The following TBC1D12 variants were observed in gnomAD, a reference collection of about 807,000 sequenced individuals.
TBC1D12 encodes TBC1 domain family, member 12.
In TBC1D12, 56 loss-of-function variants were observed where a neutral mutation model predicts 86.7. The observed-to-expected ratio is 0.65, with a 90% CI of 0.52 to 0.81. TBC1D12 has a LOEUF of 0.81. Among genes scored for constraint, TBC1D12 ranks in the 30% least tolerant of loss-of-function variants. TBC1D12 has a pLI of 0.00. For missense variants in TBC1D12, 1,023 were observed against 1,038.8 expected (o/e 0.98, Z 0.21); for synonymous variants, 421 against 411.7 (o/e 1.02, Z -0.27).
intron 2 of TBC1D12, among the ~76,000 whole-genome samples, chr10:94,462,985 A>C (rs1159042997): frequency 6.6e-6 from 1 of 152,086 alleles, no homozygotes; most frequent in East Asian, 1.9e-4. Context: ...AAGGTGGATC[A>C]TTCATTTTAG....
chr10:94,487,269 A>T (rs1468390087), intron 3 of TBC1D12, among the ~76,000 whole-genome samples: 5 of 139,040 alleles, frequency 3.6e-5, no homozygotes, highest in Non-Finnish European at 3.1e-5. Flanking sequence ...AAATCTATTC[A>T]GTTACTGTAT....
At chr10:94,405,172 C>A (rs1432141322) in intron 1 of TBC1D12, among the ~76,000 whole-genome samples, 1 of 151,338 alleles carries the variant, frequency 6.6e-6, no homozygotes, top group Non-Finnish European at 1.5e-5. Context: ...GTAAAACTTT[C>A]CTTTACAGAG....
chr10:94,414,600 CTTTTT>C lies in TBC1D12; in HGVS notation c.971+11029_971+11033del, dbSNP rs71031575. Among the ~76,000 whole-genome samples, 40 of 134,988 alleles carry C rather than the reference CTTTTT, an allele frequency of 3.0e-4. 1 individual carries two copies. The highest frequency in any genetic ancestry group is 1.1e-3 in the African/African-American group (39 of 35,786). The allele number at this position is 134,988 out of a possible 152,430, so 88.6% of individuals were successfully genotyped here. On this transcript the variant is annotated intron_variant, in intron 1 of 12. Coordinates refer to ENST00000225235, the MANE Select transcript of TBC1D12 (RefSeq NM_015188.2). Reference sequence around the variant, plus strand: ...CTTCTCAATAGGCCATACTGTGAAACTTTTTTTTTTTTTTTTTGAGACGGAGTCTC... The same window carrying C: ...CTTCTCAATAGGCCATACTGTGAAACTTTTTTTTTTTTGAGACGGAGTCTC...
At chr10:94,436,806 T>A (rs2055305606) in intron 1 of TBC1D12, among the ~76,000 whole-genome samples, 1 of 151,754 alleles carries the variant, frequency 6.6e-6, no homozygotes, top group Non-Finnish European at 1.5e-5. Flanking sequence ...TTTTTTTTTT[T>A]AATGCTTTAA....
intron 1 of TBC1D12, among the ~76,000 whole-genome samples, chr10:94,434,835 A>T (rs1216528221): frequency 6.6e-6 from 1 of 152,124 alleles, no homozygotes; most frequent in Non-Finnish European, 1.5e-5. Context: ...TGAGCCTGAG[A>T]GGTCGAGCTC....
At chr10:94,532,785 A>G (rs941997103) in intron 12 of TBC1D12, among the ~76,000 whole-genome samples, 1 of 152,168 alleles carries the variant, frequency 6.6e-6, no homozygotes, top group South Asian at 2.1e-4. Flanking sequence ...TCACAGTCTT[A>G]TTGGTTCAGA....
At position 94,522,428 on chromosome 10, in the gene TBC1D12, A is replaced by G. The variant is rs1270014623; in HGVS notation, c.1975A>G (p.Thr659Ala). The G allele has an allele frequency of 7.2e-6, 10 of 1,396,242 alleles. No homozygotes were observed. The highest frequency in any genetic ancestry group is 9.9e-6 in the Non-Finnish European group (10 of 1,014,954). The allele number at this position is 1,396,242 out of a possible 1,614,324, so 86.5% of individuals were successfully genotyped here. ...LFLHFKSYSL[T>A]PDIYLIDWIF... ...TCTTCACTTCAAATCTTACAGTCTTACACCAGATATATACTTGATAGACTG... is the reference window on the plus strand; with the variant it reads ...TCTTCACTTCAAATCTTACAGTCTTGCACCAGATATATACTTGATAGACTG... The change falls in exon 11 of 13, where the codon ACA (threonine) becomes GCA (alanine). Residue 659 changes from threonine to alanine, a missense_variant. Coordinates refer to ENST00000225235, the MANE Select transcript of TBC1D12 (RefSeq NM_015188.2).
intron 6 of TBC1D12, 99 bp downstream of exon 6, chr10:94,500,426 A>G (rs1194385539): frequency 3.4e-6 from 3 of 881,182 alleles, no homozygotes; most frequent in African/African-American, 1.7e-5. Context: ...AATGGCCTTT[A>G]TCATATATAA....
intron 2 of TBC1D12, among the ~76,000 whole-genome samples, chr10:94,473,105 A>G (rs1291144546): frequency 6.6e-6 from 1 of 152,134 alleles, no homozygotes; most frequent in East Asian, 1.9e-4. Context: ...CTGTAATCCT[A>G]GCACTTTGGG....
At chr10:94,486,926 G>A (rs574743452) in intron 3 of TBC1D12, among the ~76,000 whole-genome samples, 3 of 152,196 alleles carry the variant, frequency 2.0e-5, no homozygotes, top group African/African-American at 4.8e-5. Flanking sequence ...CTCTATTATC[G>A]TATTGAGGTG....
At chr10:94,529,990 G>C (rs1219687552) in intron 11 of TBC1D12, among the ~76,000 whole-genome samples, 1 of 152,172 alleles carries the variant, frequency 6.6e-6, no homozygotes, top group Non-Finnish European at 1.5e-5. Flanking sequence ...ATGGACTTTT[G>C]TTTCATGTCT....
chr10:94,493,307 G>A, intron 3 of TBC1D12, 58 bp from the exon 4 acceptor site: 1 of 1,335,816 alleles, frequency 7.5e-7, no homozygotes, highest in South Asian at 1.2e-5. Context: ...AAATAAGTTA[G>A]TAAGTTGAAA....
intron 3 of TBC1D12, 64 bp from the exon 4 acceptor site, chr10:94,493,301 A>G: frequency 7.8e-7 from 1 of 1,282,568 alleles, no homozygotes. Flanking sequence ...AAAAACAAAT[A>G]AGTTAGTAAG....
At chr10:94,439,554 G>A (rs898425625) in intron 1 of TBC1D12, among the ~76,000 whole-genome samples, 11 of 152,136 alleles carry the variant, frequency 7.2e-5, no homozygotes, top group African/African-American at 2.7e-4. Context: ...GTTTGCTGAG[G>A]GGCTGCAGTC....
At chr10:94,404,730 A>G (rs1486037039) in intron 1 of TBC1D12, among the ~76,000 whole-genome samples, 1 of 152,026 alleles carries the variant, frequency 6.6e-6, no homozygotes, top group African/African-American at 2.4e-5. Context: ...TGTTGATTTA[A>G]TAGGGATAAA....
At chr10:94,419,080 G>A (rs1564937707) in intron 1 of TBC1D12, among the ~76,000 whole-genome samples, 1 of 152,006 alleles carries the variant, frequency 6.6e-6, no homozygotes, top group East Asian at 2.0e-4. Flanking sequence ...TCACCATGTT[G>A]GCGAGAATAG....
chr10:94,470,593 G>T (rs569992600), intron 2 of TBC1D12, among the ~76,000 whole-genome samples: 2 of 151,844 alleles, frequency 1.3e-5, no homozygotes, highest in East Asian at 3.9e-4. Flanking sequence ...GAACTCCTAG[G>T]CACAAGTGAT....
At chr10:94,491,741 C>G (rs2056248445) in intron 3 of TBC1D12, among the ~76,000 whole-genome samples, 1 of 152,160 alleles carries the variant, frequency 6.6e-6, no homozygotes, top group Non-Finnish European at 1.5e-5. Flanking sequence ...TAGTAACCTT[C>G]TTGGTTGTCA....
At chr10:94,505,406 A>G (rs2056447615) in intron 6 of TBC1D12, among the ~76,000 whole-genome samples, 1 of 152,090 alleles carries the variant, frequency 6.6e-6, no homozygotes. Context: ...TGGTGAAACC[A>G]TGACTCTACT....
Sources: gnomAD v4.1 joint callset for allele counts (sites outside exome capture counted in the v4.1 genomes callset) on GRCh38, gnomAD v4.1.1 for gene constraint, MANE v1.5 for transcripts, NCBI Gene and HGNC (gene_info 2026-07-23, HGNC 2026-07-21) for gene names.